MRPS16: variants seen among roughly 807,000 people sequenced by gnomAD.
The protein encoded by MRPS16 is small ribosomal subunit protein bS16m.
MRPS16 carries 5 observed loss-of-function variants against 11.0 expected under a neutral mutation model. That is an observed-to-expected ratio of 0.46 (90% confidence interval 0.24 to 0.96). The LOEUF (loss-of-function observed/expected upper bound fraction) is 0.96, where lower values mean the gene tolerates loss of function less well. Among genes scored for constraint, MRPS16 ranks in the 40% least tolerant of loss-of-function variants. MRPS16 has a pLI of 0.20. For missense variants in MRPS16, 179 were observed against 174.4 expected (o/e 1.03, Z -0.15); for synonymous variants, 76 against 65.0 (o/e 1.17, Z -0.81).
In MRPS16 at chr10:73,251,132, C is replaced by G. The variant is rs796964435; in HGVS notation, c.275-141G>C. 3.7e-5 allele frequency: 35 copies of G among 941,906 alleles called. No individual in the cohort carries two copies. In the African/African-American group the frequency reaches 4.6e-4, roughly 12 times the overall value. The allele number at this position is 941,906 out of a possible 1,614,324, so 58.3% of individuals were successfully genotyped here. ...TGCTCCTCACTTGCCAAACTCTGTA[C>G]TACTTCTCCCCGGCAAGGAGACAGT... On this transcript the variant is annotated intron_variant, in intron 2 of 2. Transcript: ENST00000372945.
Position 73,249,341 on chromosome 10 carries a change from TA to T in MRPS16, c.*1510del, listed in dbSNP as rs56788336. On this transcript the variant is annotated 3_prime_UTR_variant, in exon 3 of 3. Transcript: ENST00000372945. ...GACCTAAGAATGGTTGTGAGTCAAA[TA>T]AAAAAGTAGAACTAAAGTATACTGA... is the stretch of plus-strand genomic sequence containing the variant. The T allele has an allele frequency of 0.012, 17,861 of 1,546,294 alleles. 952 individuals are homozygous for T. In the African/African-American group the frequency reaches 0.15, roughly 13 times the overall value.
At position 73,251,841 on chromosome 10, in the gene MRPS16, C is replaced by T. The variant is rs1427612719; in HGVS notation, c.196G>A (p.Val66Ile). Residue 66 changes from valine (V) to isoleucine (I), a missense_variant, in exon 2 of 3, where the codon GTT becomes ATT. Physicochemically the swap from Val to Ile is conservative, Grantham distance 29. Coordinates refer to ENST00000372945, the MANE Select transcript of MRPS16 (RefSeq NM_016065.4). ...PLPNSHGEKLVALNLDRIRHW... is the reference protein window; with the variant it reads ...PLPNSHGEKLIALNLDRIRHW... ...CGGATCCTGTCTAGGTTGAGGGCAA[C>T]GAGTTTTTCTCCATGACTGTTGGGC... 2.5e-6 allele frequency: 4 copies of T among 1,614,044 alleles called. No homozygotes were observed. Among genetic ancestry groups the T allele is most frequent in the Admixed American group, 1.7e-5 (1 of 59,990 alleles).
In MRPS16 at chr10:73,251,846, T is replaced by G; in HGVS notation, c.191A>C (p.Lys64Thr). ...CCTGTCTAGGTTGAGGGCAACGAGT[T>G]TTTCTCCATGACTGTTGGGCAATGG... ...YDPLPNSHGE[K>T]LVALNLDRIR... Residue 64 changes from lysine (K) to threonine (T), a missense_variant, in exon 2 of 3, where the codon AAA (lysine) becomes ACA (threonine). Lys to Thr is a moderately conservative substitution (Grantham distance 78). Coordinates refer to ENST00000372945, the MANE Select transcript of MRPS16 (RefSeq NM_016065.4). 2.5e-6 allele frequency: 4 copies of G among 1,614,144 alleles called. No individual in the cohort carries two copies. The highest frequency in any genetic ancestry group is 3.4e-6 in the Non-Finnish European group (4 of 1,180,016).
intron 1 of MRPS16, chr10:73,252,247 A>G: frequency 1.0e-6 from 1 of 1,001,266 alleles, no homozygotes; most frequent in Non-Finnish European, 1.5e-6. Flanking sequence ...GCCATTCACT[A>G]GGCTCTGTGA....
intron 1 of MRPS16, 155 bp downstream of exon 1, chr10:73,252,315 G>T: frequency 1.6e-6 from 2 of 1,243,926 alleles, no homozygotes; most frequent in Non-Finnish European, 2.3e-6. Flanking sequence ...GTGATTAAGT[G>T]GGGAAAAAAC....
At chr10:73,251,675 C>A (rs1224503238) in intron 2 of MRPS16, 88 bp downstream of exon 2, 2 of 1,589,344 alleles carry the variant, frequency 1.3e-6, no homozygotes, top group Non-Finnish European at 1.7e-6. Context: ...GCCACCGTGC[C>A]CAGCCGAAAA....
intron 1 of MRPS16, 47 bp downstream of exon 1, chr10:73,252,423 G>A (rs778511220): frequency 3.7e-6 from 6 of 1,608,152 alleles, no homozygotes; most frequent in Non-Finnish European, 5.1e-6. Flanking sequence ...CCGAACTCCC[G>A]AGCCCCGTGA....
In MRPS16 at chr10:73,250,936, C is replaced by T. The variant is rs1466268238; in HGVS notation, c.330G>A (p.Leu110=). ...HPMMITNAER[L]RRKRAREVLL... ...GGACTTCACGTGCCCGTTTCCTTCGCAGTCTCTCAGCATTTGTGATCATCA... is the reference window on the plus strand; with the variant it reads ...GGACTTCACGTGCCCGTTTCCTTCGTAGTCTCTCAGCATTTGTGATCATCA... The change falls in exon 3 of 3, where the codon CTG becomes CTA. Residue 110 remains leucine, a synonymous_variant. Transcript: ENST00000372945. 9 of 1,614,202 alleles carry T rather than the reference C, an allele frequency of 5.6e-6. No homozygotes were observed. Among genetic ancestry groups the T allele is most frequent in the African/African-American group, 1.3e-5 (1 of 75,042 alleles).
At position 73,251,859 on chromosome 10, in the gene MRPS16, T is replaced by A; in HGVS notation, c.178A>T (p.Ser60Cys). ...QLGSYDPLPN[S>C]HGEKLVALNL... ...AGGGCAACGAGTTTTTCTCCATGAC[T>A]GTTGGGCAATGGATCATAGGAGCCC... Residue 60 changes from serine (S) to cysteine (C), a missense_variant, in exon 2 of 3, where the codon AGT (serine) becomes TGT (cysteine). Coordinates refer to ENST00000372945, the MANE Select transcript of MRPS16 (RefSeq NM_016065.4). 1 of 1,614,194 alleles carries A rather than the reference T, an allele frequency of 6.2e-7. No individual in the cohort carries two copies. The highest frequency in any genetic ancestry group is 8.5e-7 in the Non-Finnish European group (1 of 1,180,038).
intron 2 of MRPS16, among the ~76,000 whole-genome samples, chr10:73,251,368 G>A (rs2044091495): frequency 6.6e-6 from 1 of 151,392 alleles, no homozygotes; most frequent in African/African-American, 2.4e-5. Flanking sequence ...TAGAGGGAAT[G>A]AAATAACTCT....
chr10:73,252,007 C>G lies in MRPS16; in HGVS notation c.30G>C (p.Lys10Asn). The G allele has an allele frequency of 6.2e-7, 1 of 1,613,926 alleles. No homozygotes were observed. The highest frequency in any genetic ancestry group is 1.3e-5 in the African/African-American group (1 of 75,026). ...TGGTTAAGTGGCCCCCACGGTAGGCCTTGCAGAGGAGAGTAGCTGTAGAAA... is the reference window on the plus strand; with the variant it reads ...TGGTTAAGTGGCCCCCACGGTAGGCGTTGCAGAGGAGAGTAGCTGTAGAAA... Reference protein sequence around the residue: MVHLTTLLCKAYRGGHLTIR... With the variant: MVHLTTLLCNAYRGGHLTIR... Residue 10 changes from lysine to asparagine, a missense_variant, in exon 2 of 3, where the codon AAG becomes AAC. By Grantham distance (94) the Lys-to-Asn change is moderately conservative (BLOSUM62 0). Transcript: ENST00000372945.
Position 73,250,708 on chromosome 10 carries a change from C to T in MRPS16, c.*144G>A, listed in dbSNP as rs1564726211. 1.9e-6 allele frequency: 2 copies of T among 1,077,100 alleles called. No individual in the cohort carries two copies. The highest frequency in any genetic ancestry group is 1.7e-5 in the Admixed American group (1 of 57,384). The allele number at this position is 1,077,100 out of a possible 1,614,324, so 66.7% of individuals were successfully genotyped here. A position where few individuals can be genotyped will look rare whatever the true frequency, so the allele number is the denominator to read the frequency against. On this transcript the variant is annotated 3_prime_UTR_variant, in exon 3 of 3. Coordinates refer to ENST00000372945, the MANE Select transcript of MRPS16 (RefSeq NM_016065.4). The stretch of plus-strand genomic sequence containing the variant: ...ACAAGAACAAATCTCTCCCTGGGCC[C>T]TGTGCAGGCCAGGCCAGAAGAGCAA...
Position 73,249,188 on chromosome 10 carries a change from G to GGTA in MRPS16, c.*1663_*1664insTAC. On this transcript the variant is annotated 3_prime_UTR_variant, in exon 3 of 3. Transcript: ENST00000372945. ...CCACCTCAGCCTCCCAAAGTGCTGA[G>GGTA]ATTACAGGTGTGAGCCACTGCCCCA... 8.4e-7 allele frequency: 1 copy of GGTA among 1,194,180 alleles called. No individual in the cohort carries two copies. Among genetic ancestry groups the GGTA allele is most frequent in the Non-Finnish European group, 1.2e-6 (1 of 832,724 alleles). 74.0% of individuals were successfully genotyped at this position (1,194,180 alleles called of 1,614,324 possible).
At position 73,251,920 on chromosome 10, in the gene MRPS16, G is replaced by C. The variant is rs1335000429; in HGVS notation, c.117C>G (p.Asn39Lys). ...RPFYRIVAAHNKCPRDGRFVE... is the reference protein window; with the variant it reads ...RPFYRIVAAHKKCPRDGRFVE... ...CGAAACGGCCATCCCTGGGACACTTGTTGTGAGCAGCCACAATGCGGTAGA... is the reference window on the plus strand; with the variant it reads ...CGAAACGGCCATCCCTGGGACACTTCTTGTGAGCAGCCACAATGCGGTAGA... Residue 39 changes from asparagine (N) to lysine (K), a missense_variant, in exon 2 of 3, where the codon AAC becomes AAG. Transcript: ENST00000372945. 2 of 1,614,130 alleles carry C rather than the reference G, an allele frequency of 1.2e-6. No individual in the cohort carries two copies. The highest frequency in any genetic ancestry group is 2.2e-5 in the East Asian group (1 of 44,860).
rs7478215 is a variant in MRPS16 at position 73,251,551 on chromosome 10, T to A, written c.274+212A>T. Among the ~76,000 whole-genome samples the A allele has an allele frequency of 0.11, 15,990 of 152,038 alleles. 1,200 individuals are homozygous for A. The highest frequency in any genetic ancestry group is 0.3 in the East Asian group (1,561 of 5,160). On this transcript the variant is annotated intron_variant, in intron 2 of 2. Coordinates refer to ENST00000372945, the MANE Select transcript of MRPS16 (RefSeq NM_016065.4). ...TCACCACGCCCAACTAATTTTTTTT[T>A]TTTATTTTTAGTAGAGACAGCGTTT...
At position 73,249,011 on chromosome 10, in the gene MRPS16, T is replaced by A; in HGVS notation, c.*1841A>T. 1.7e-6 allele frequency: 1 copy of A among 587,124 alleles called. No individual in the cohort carries two copies. The highest frequency in any genetic ancestry group is 3.8e-5 in the East Asian group (1 of 26,268). 36.4% of individuals were successfully genotyped at this position (587,124 alleles called of 1,614,324 possible). On this transcript the variant is annotated 3_prime_UTR_variant, in exon 3 of 3. Coordinates refer to ENST00000372945, the MANE Select transcript of MRPS16 (RefSeq NM_016065.4). ...ACAGTTCACTGCAGCATCGGCCTCC[T>A]GGGCTCAAGTGATCTTACTGCCTCA...
At position 73,250,878 on chromosome 10, in the gene MRPS16, T is replaced by C. The variant is rs373072896; in HGVS notation, c.388A>G (p.Thr130Ala). The C allele has an allele frequency of 6.8e-5, 110 of 1,614,062 alleles. No homozygotes were observed. Among genetic ancestry groups the C allele is most frequent in the Non-Finnish European group, 8.2e-5 (97 of 1,180,046 alleles). ...TATGTTTCTGTAGCCTCTGTATCTGTAGCTTCTGCATCTGTTTTCTGAGAA... is the reference window on the plus strand; with the variant it reads ...TATGTTTCTGTAGCCTCTGTATCTGCAGCTTCTGCATCTGTTTTCTGAGAA... ...LASQKTDAEA[T>A]DTEATET The change falls in exon 3 of 3, where the codon ACA becomes GCA. Residue 130 changes from threonine (T) to alanine (A), a missense_variant. Transcript: ENST00000372945.
At position 73,251,992 on chromosome 10, in the gene MRPS16, GC is replaced by G; in HGVS notation, c.44del (p.Gly15AlafsTer3). ...CCAGGGCAAGGCGGATGGTTAAGTGGCCCCCACGGTAGGCCTTGCAGAGGAG... is the reference window on the plus strand; with the variant it reads ...CCAGGGCAAGGCGGATGGTTAAGTGGCCCCACGGTAGGCCTTGCAGAGGAG... ...TTLLCKAYRGGHLTIRLALGG... is the reference protein window; with the variant it reads ...TTLLCKAYRGXHLTIRLALGG... On this transcript the variant is annotated frameshift_variant, in exon 2 of 3. Coordinates refer to ENST00000372945, the MANE Select transcript of MRPS16 (RefSeq NM_016065.4). LOFTEE classifies it high-confidence loss of function. 1.2e-6 allele frequency: 2 copies of G among 1,614,116 alleles called. No individual in the cohort carries two copies. The highest frequency in any genetic ancestry group is 1.3e-5 in the African/African-American group (1 of 75,040).
Position 73,250,570 on chromosome 10 carries a change from T to G in MRPS16, c.*282A>C. On this transcript the variant is annotated 3_prime_UTR_variant, in exon 3 of 3. Transcript: ENST00000372945. ...TCTTGGAAGCCAGTAAATTGTAAAG[T>G]TGTCCAAGAGACCCAGAGCCCAACT... 2.3e-6 allele frequency: 1 copy of G among 435,640 alleles called. No homozygotes were observed. Among genetic ancestry groups the G allele is most frequent in the Non-Finnish European group, 4.2e-6 (1 of 235,586 alleles). The allele number at this position is 435,640 out of a possible 1,614,324, so 27.0% of individuals were successfully genotyped here. A position where few individuals can be genotyped will look rare whatever the true frequency, so the allele number is the denominator to read the frequency against.
Sources: gnomAD v4.1 joint callset for allele counts (sites outside exome capture counted in the v4.1 genomes callset) on GRCh38, gnomAD v4.1.1 for gene constraint, MANE v1.5 for transcripts, NCBI Gene and HGNC (gene_info 2026-07-23, HGNC 2026-07-21) for gene names.